Variants in PDE1C observed in about 807,000 individuals in gnomAD.
PDE1C encodes dual specificity calcium/calmodulin-dependent 3',5'-cyclic nucleotide phosphodiesterase 1C.
Under a neutral mutation model 93.1 loss-of-function variants are expected in PDE1C, and 62 were observed. The ratio of observed to expected loss-of-function variants is 0.67; its 90% CI spans 0.54 to 0.82. The LOEUF is 0.82. Ranked by LOEUF, PDE1C falls within the 40% of genes least tolerant of loss-of-function variation. The pLI, the probability that PDE1C is intolerant of heterozygous loss-of-function variation, is 0.00. For missense variants in PDE1C, 742 were observed against 884.6 expected (o/e 0.84, Z 2.04); for synonymous variants, 325 against 310.1 (o/e 1.05, Z -0.50).
chr7:31,884,877 T>C (rs1797689300), intron 2 of PDE1C, among the ~76,000 whole-genome samples: 1 of 152,262 alleles, frequency 6.6e-6, no homozygotes, highest in Non-Finnish European at 1.5e-5. Context: ...TTAATCTATC[T>C]TAAGAAGGGT....
rs62455983 is a variant in PDE1C, at chr7:31,860,243, T to C, written c.750+4699A>G. On this transcript the variant is annotated intron_variant, in intron 7 of 17. Transcript: ENST00000396191. ...TATTTGGCAAGGTCTGGAGACATTA[T>C]TGGTTGTCATAACTGGAGTGGGGAG... 5.8e-3 allele frequency among the ~76,000 whole-genome samples: 888 copies of C among 152,278 alleles called. 20 individuals carry two copies. In the East Asian group the frequency reaches 0.074, roughly 13 times the overall value.
intron 1 of PDE1C, among the ~76,000 whole-genome samples, chr7:32,333,508 T>C (rs1485300229): frequency 1.3e-5 from 2 of 152,226 alleles, no homozygotes; most frequent in African/African-American, 4.8e-5. Flanking sequence ...TACGTGTACA[T>C]GCTCTTTGTC....
chr7:32,029,780 A>G (rs1320732100), intron 2 of PDE1C, among the ~76,000 whole-genome samples: 2 of 152,178 alleles, frequency 1.3e-5, no homozygotes, highest in Admixed American at 1.3e-4. Flanking sequence ...CATTGATTAC[A>G]TGCACCAATA....
chr7:31,676,161 G>C, the PDE1C span, among the ~76,000 whole-genome samples: 2 of 152,152 alleles, frequency 1.3e-5, no homozygotes, highest in Non-Finnish European at 2.9e-5. Flanking sequence ...GCTAAGCCAA[G>C]GGCTGTCCAC....
chr7:31,668,029 A>G, the PDE1C span, among the ~76,000 whole-genome samples: 1 of 152,162 alleles, frequency 6.6e-6, no homozygotes, highest in African/African-American at 2.4e-5. Flanking sequence ...TACATGTGAA[A>G]AGAGGGACTA....
At chr7:31,875,354 G>C (rs1402026471) in intron 5 of PDE1C, among the ~76,000 whole-genome samples, 3 of 152,126 alleles carry the variant, frequency 2.0e-5, no homozygotes, top group Non-Finnish European at 2.9e-5. Flanking sequence ...TAGAGACAGT[G>C]AGACGGATGT....
At chr7:31,800,578 A>G (rs890158168) in intron 16 of PDE1C, among the ~76,000 whole-genome samples, 1 of 151,456 alleles carries the variant, frequency 6.6e-6, no homozygotes, top group Non-Finnish European at 1.5e-5. Flanking sequence ...TATCTAAGCT[A>G]TTCTGTTGAT....
At chr7:32,166,592 C>G (rs544573900) in intron 3 of PDE1C, among the ~76,000 whole-genome samples, 1 of 152,150 alleles carries the variant, frequency 6.6e-6, no homozygotes, top group Non-Finnish European at 1.5e-5. Flanking sequence ...TTGCACAAAC[C>G]TCAACTATCG....
chr7:32,158,429 A>T (rs1801708216), intron 3 of PDE1C, among the ~76,000 whole-genome samples: 1 of 152,220 alleles, frequency 6.6e-6, no homozygotes, highest in South Asian at 2.1e-4. Flanking sequence ...TGCACTTAAC[A>T]GTAATCAATA....
At chr7:31,691,545 C>T in the PDE1C span, among the ~76,000 whole-genome samples, 1 of 152,058 alleles carries the variant, frequency 6.6e-6, no homozygotes, top group Non-Finnish European at 1.5e-5. Context: ...AGACCTGACA[C>T]ATATCCATTC....
chr7:32,139,673 A>T (rs1172821337), intron 3 of PDE1C, among the ~76,000 whole-genome samples: 4 of 152,096 alleles, frequency 2.6e-5, no homozygotes, highest in Admixed American at 2.0e-4. Context: ...ATTGGTATAA[A>T]CCTATTATGG....
At chr7:31,716,813 A>G in the PDE1C span, among the ~76,000 whole-genome samples, 9 of 152,346 alleles carry the variant, frequency 5.9e-5, no homozygotes, top group African/African-American at 2.2e-4. Context: ...AGTAGAAGGT[A>G]ATGGAACTGA....
chr7:31,661,540 C>T, the PDE1C span, among the ~76,000 whole-genome samples: 2 of 152,082 alleles, frequency 1.3e-5, no homozygotes, highest in African/African-American at 4.8e-5. Flanking sequence ...TGGTGAATCC[C>T]CATCTCTACT....
chr7:31,916,595 G>C (rs573122194), intron 2 of PDE1C, among the ~76,000 whole-genome samples: 1 of 152,274 alleles, frequency 6.6e-6, no homozygotes, highest in African/African-American at 2.4e-5. Flanking sequence ...CCTGGGCAAG[G>C]ACAGGTTACG....
intron 1 of PDE1C, among the ~76,000 whole-genome samples, chr7:32,258,976 C>A (rs1025146694): frequency 2.6e-5 from 4 of 152,152 alleles, no homozygotes; most frequent in African/African-American, 9.7e-5. Context: ...CCATGGTGCG[C>A]CCAGGACTGA....
intron 3 of PDE1C, among the ~76,000 whole-genome samples, chr7:32,141,573 C>T (rs1174726624): frequency 1.3e-5 from 2 of 152,122 alleles, no homozygotes; most frequent in Middle Eastern, 3.2e-3. Context: ...CAAACCCAAA[C>T]AGAGAGATGA....
At chr7:31,671,243 A>G in the PDE1C span, among the ~76,000 whole-genome samples, 1 of 152,108 alleles carries the variant, frequency 6.6e-6, no homozygotes, top group Admixed American at 6.6e-5. Context: ...TCCTTCTGGG[A>G]CTTCAGGGGT....
At chr7:32,268,800 C>A (rs973477322) in intron 1 of PDE1C, among the ~76,000 whole-genome samples, 1 of 152,162 alleles carries the variant, frequency 6.6e-6, no homozygotes, top group Non-Finnish European at 1.5e-5. Flanking sequence ...TAGCATTGAA[C>A]TTTACATCCC....
chr7:32,199,069 A>G (rs1462866789), intron 2 of PDE1C, among the ~76,000 whole-genome samples: 1 of 151,952 alleles, frequency 6.6e-6, no homozygotes, highest in Non-Finnish European at 1.5e-5. Context: ...GTTGCAGTGA[A>G]CCAAGATCGC....
Sources: gnomAD v4.1 joint callset for allele counts (sites outside exome capture counted in the v4.1 genomes callset) on GRCh38, gnomAD v4.1.1 for gene constraint, MANE v1.5 for transcripts, NCBI Gene and HGNC (gene_info 2026-07-23, HGNC 2026-07-21) for gene names.